Variants in GABRR1 observed in about 807,000 individuals in gnomAD.
GABRR1 encodes gamma-aminobutyric acid receptor subunit rho-1.
Under a neutral mutation model 55.5 loss-of-function variants are expected in GABRR1, and 59 were observed. The ratio of observed to expected loss-of-function variants is 1.06; its 90% CI spans 0.86 to 1.32. The LOEUF is 1.32. Among genes scored for constraint, GABRR1 ranks in the 40% most tolerant of loss-of-function variants. The pLI is 0.00. For synonymous variants in GABRR1, 213 were observed against 226.0 expected (o/e 0.94, Z 0.51); for missense variants, 602 against 619.1 (o/e 0.97, Z 0.29).
intron 1 of GABRR1, among the ~76,000 whole-genome samples, chr6:89,206,593 T>A (rs1222250718): frequency 4.0e-5 from 6 of 151,734 alleles, no homozygotes; most frequent in Non-Finnish European, 8.8e-5. Flanking sequence ...CACTTCACCG[T>A]GGGATCAATA....
rs530129120 is a variant in GABRR1, at chr6:89,189,480, G to A, written c.655+685C>T. Among the ~76,000 whole-genome samples the A allele has an allele frequency of 1.0e-3, 132 of 126,450 alleles. 1 individual carries two copies. The highest frequency in any genetic ancestry group is 3.2e-3 in the African/African-American group (106 of 33,450). 83.0% of individuals were successfully genotyped at this position (126,450 alleles called of 152,430 possible). ...GAACAATGAGATCACATGGACACAG[G>A]AAGGGGAATATCACACTCTGGGGAC... On this transcript the variant is annotated intron_variant, in intron 6 of 9. Coordinates refer to ENST00000454853, the MANE Select transcript of GABRR1 (RefSeq NM_002042.5).
intron 6 of GABRR1, among the ~76,000 whole-genome samples, 176 bp downstream of exon 6, chr6:89,189,989 T>G (rs1772034283): frequency 6.6e-6 from 1 of 151,390 alleles, no homozygotes; most frequent in Non-Finnish European, 1.5e-5. Context: ...GAGGTTGCAG[T>G]GAGCAGAGAC....
upstream of GABRR1, among the ~76,000 whole-genome samples, chr6:89,220,162 A>G (rs1466058474): frequency 1.3e-5 from 2 of 152,204 alleles, no homozygotes; most frequent in Non-Finnish European, 2.9e-5. Flanking sequence ...TAATGCCCAG[A>G]TTGGAAAATA....
rs1319412732 is a variant in GABRR1, at chr6:89,183,781, A to G, written c.796+1529T>C. Among the ~76,000 whole-genome samples, 3 of 152,188 alleles carry G rather than the reference A, an allele frequency of 2.0e-5. No homozygotes were observed. The East Asian group carries it at 5.8e-4, about 29-fold the overall frequency. On this transcript the variant is annotated intron_variant, in intron 7 of 9. Coordinates refer to ENST00000454853, the MANE Select transcript of GABRR1 (RefSeq NM_002042.5). ...TCAGGAATTGAAAAGCAGATACCAC[A>G]TGTTCTCACTTATAAGTGGGAGCTA... is the stretch of plus-strand genomic sequence containing the variant.
In GABRR1 at chr6:89,198,085, G is replaced by A. The variant is rs1446154337; in HGVS notation, c.507C>T (p.His169=). The A allele has an allele frequency of 7.4e-6, 12 of 1,614,000 alleles. No homozygotes were observed. The highest frequency in any genetic ancestry group is 4.4e-5 in the South Asian group (4 of 91,088). Residue 169 remains histidine (H), a synonymous_variant, in exon 5 of 10, where the codon CAC becomes CAT. Coordinates refer to ENST00000454853, the MANE Select transcript of GABRR1 (RefSeq NM_002042.5). ...ACATGACGTTGTCTGTGGTGGTGTC[G>A]TGGATGAAGGAGCGTTTGGAGTGCA... ...FFVHSKRSFI[H]DTTTDNVMLR...
At chr6:89,218,749 C>T (rs992924250), upstream of GABRR1, among the ~76,000 whole-genome samples, 2 of 152,222 alleles carry the variant, frequency 1.3e-5, no homozygotes, top group African/African-American at 2.4e-5. Flanking sequence ...GTTGGCTGTA[C>T]TTACGGAACC....
chr6:89,204,084 C>A (rs544873026), intron 1 of GABRR1, among the ~76,000 whole-genome samples: 4 of 152,182 alleles, frequency 2.6e-5, no homozygotes, highest in African/African-American at 9.7e-5. Flanking sequence ...CCCTTCTAGT[C>A]GAGGGGTAGT....
At chr6:89,181,150 G>A (rs1771705641) in intron 8 of GABRR1, among the ~76,000 whole-genome samples, 1 of 152,212 alleles carries the variant, frequency 6.6e-6, no homozygotes, top group African/African-American at 2.4e-5. Flanking sequence ...AGAGGACAAG[G>A]CATCTGTCCA....
At chr6:89,187,146 G>GATGCATGT (rs994825200) in intron 6 of GABRR1, among the ~76,000 whole-genome samples, 1 of 152,130 alleles carries the variant, frequency 6.6e-6, no homozygotes, top group Non-Finnish European at 1.5e-5. Flanking sequence ...GAGGGACAGA[G>GATGCATGT]ATGCATGTGG....
chr6:89,220,293 G>C (rs1773094886), upstream of GABRR1, among the ~76,000 whole-genome samples: 1 of 152,160 alleles, frequency 6.6e-6, no homozygotes, highest in East Asian at 1.9e-4. Flanking sequence ...TAGCTAAGGA[G>C]AGCTGGTTCA....
chr6:89,203,539 T>C lies in GABRR1; in HGVS notation c.123-54A>G, dbSNP rs1772548222. The stretch of plus-strand genomic sequence containing the variant: ...TGTAGAGAAAGTCTAGGTACTCAGA[T>C]CAACCAAGCACCCCTCTCCCTCCAG... On this transcript the variant is annotated intron_variant, in intron 1 of 9. Coordinates refer to ENST00000454853, the MANE Select transcript of GABRR1 (RefSeq NM_002042.5). The C allele has an allele frequency of 1.2e-5, 15 of 1,300,058 alleles. No individual in the cohort carries two copies. In the South Asian group the frequency reaches 1.5e-4, roughly 13 times the overall value. The allele number at this position is 1,300,058 out of a possible 1,614,324, so 80.5% of individuals were successfully genotyped here. A position where few individuals can be genotyped will look rare whatever the true frequency, so the allele number is the denominator to read the frequency against.
chr6:89,178,033 T>C lies in GABRR1; in HGVS notation c.*737A>G, dbSNP rs1354597530. 1 of 152,156 alleles carries C rather than the reference T, an allele frequency of 6.6e-6. No homozygotes were observed. The highest frequency in any genetic ancestry group is 6.5e-5 in the Admixed American group (1 of 15,270). 9.4% of individuals were successfully genotyped at this position (152,156 alleles called of 1,614,324 possible). ...TGGTGATTATATAAAATAGGGAACA[T>C]TTAAACACAAATTTTCTAGCCTAGT... On this transcript the variant is annotated 3_prime_UTR_variant, in exon 10 of 10. Transcript: ENST00000454853.
At chr6:89,186,676 G>A (rs1172308653) in intron 6 of GABRR1, among the ~76,000 whole-genome samples, 1 of 152,222 alleles carries the variant, frequency 6.6e-6, no homozygotes, top group Admixed American at 6.5e-5. Context: ...ACTAAGTTCT[G>A]GAGACAATGA....
chr6:89,179,802 A>C (rs1350358136), intron 9 of GABRR1, among the ~76,000 whole-genome samples: 2 of 152,180 alleles, frequency 1.3e-5, no homozygotes, highest in Non-Finnish European at 1.5e-5. Context: ...TGAGCTGCAC[A>C]CTGGAGGAGG....
At chr6:89,229,902 A>G (rs1292502606) in intron 1 of GABRR1, among the ~76,000 whole-genome samples, 1 of 130,120 alleles carries the variant, frequency 7.7e-6, no homozygotes, top group Non-Finnish European at 1.6e-5. Flanking sequence ...AGGTACACCA[A>G]TCAGACGTAG....
chr6:89,179,863 C>G (rs1771662775), intron 9 of GABRR1, among the ~76,000 whole-genome samples: 1 of 152,082 alleles, frequency 6.6e-6, no homozygotes, highest in South Asian at 2.1e-4. Context: ...GTGGAGCATG[C>G]ATGAGGTTAC....
intron 5 of GABRR1, among the ~76,000 whole-genome samples, chr6:89,195,882 T>G (rs558795147): frequency 8.8e-4 from 134 of 152,322 alleles, no homozygotes; most frequent in African/African-American, 2.5e-3. Context: ...GTATTTATAC[T>G]ACAGAAATCA....
rs1344077386 is a variant in GABRR1 at position 89,225,726 on chromosome 6, C to T, written c.-410-4280G>A. Among the ~76,000 whole-genome samples the T allele has an allele frequency of 6.6e-5, 7 of 106,724 alleles. No individual in the cohort carries two copies. The East Asian group carries it at 6.7e-4, about 10-fold the overall frequency. The allele number at this position is 106,724 out of a possible 152,430, so 70.0% of individuals were successfully genotyped here. On this transcript the variant is annotated intron_variant, in intron 1 of 11. Transcript: ENST00000369451. ...TGTGAATAATGCCGCAATAAACATA[C>T]GTGTGCATGTGTCTTTATAGCAGCA...
chr6:89,184,279 C>T (rs910346391), intron 7 of GABRR1, among the ~76,000 whole-genome samples: 22 of 151,116 alleles, frequency 1.5e-4, no homozygotes, highest in Non-Finnish European at 2.9e-4. Context: ...TCCTAGACTT[C>T]ACCACTATAC....
Sources: gnomAD v4.1 joint callset for allele counts (sites outside exome capture counted in the v4.1 genomes callset) on GRCh38, gnomAD v4.1.1 for gene constraint, MANE v1.5 for transcripts, NCBI Gene and HGNC (gene_info 2026-07-23, HGNC 2026-07-21) for gene names.